Variants in NEGR1 observed in about 807,000 individuals in gnomAD.
NEGR1 encodes the protein IgLON family member 4.
NEGR1 carries 10 observed loss-of-function variants against 40.9 expected under a neutral mutation model. The observed-to-expected ratio is 0.24, with a 90% CI of 0.15 to 0.42. NEGR1 has a LOEUF of 0.42. Among genes scored for constraint, NEGR1 ranks in the 10% least tolerant of loss-of-function variants. The pLI is 1.00. For missense variants in NEGR1, 352 were observed against 438.9 expected (o/e 0.80, Z 1.77); for synonymous variants, 185 against 166.8 (o/e 1.11, Z -0.84).
rs986651674 is a variant in NEGR1 at position 71,781,661 on chromosome 1, A to G, written c.410-5364T>C. 2.6e-5 allele frequency among the ~76,000 whole-genome samples: 4 copies of G among 152,328 alleles called. No individual in the cohort carries two copies. The East Asian group carries it at 7.7e-4, about 29-fold the overall frequency. On this transcript the variant is annotated intron_variant, in intron 2 of 6. Coordinates refer to ENST00000357731, the MANE Select transcript of NEGR1 (RefSeq NM_173808.3). ...ATTGTAACCACAATATTCTGGCACAAAAACCACCTGTTTCCTCGGTCAGGA... is the reference window on the plus strand; with the variant it reads ...ATTGTAACCACAATATTCTGGCACAGAAACCACCTGTTTCCTCGGTCAGGA...
At chr1:72,188,755 CCT>C (rs896561912) in intron 1 of NEGR1, among the ~76,000 whole-genome samples, 7 of 140,972 alleles carry the variant, frequency 5.0e-5, no homozygotes, top group Non-Finnish European at 6.3e-5. Flanking sequence ...AAAACAATTC[CCT>C]GAGTTCTACA....
intron 4 of NEGR1, among the ~76,000 whole-genome samples, chr1:71,676,099 A>G (rs1178287407): frequency 2.0e-5 from 3 of 152,172 alleles, no homozygotes; most frequent in Non-Finnish European, 4.4e-5. Flanking sequence ...ATGAGAGTTA[A>G]AATAATCTTA....
At chr1:71,431,824 G>A (rs575334696) in intron 6 of NEGR1, among the ~76,000 whole-genome samples, 1 of 152,298 alleles carries the variant, frequency 6.6e-6, no homozygotes, top group African/African-American at 2.4e-5. Context: ...TAAATTTAGA[G>A]ACTTTTGCCT....
chr1:71,718,573 A>G lies in NEGR1; in HGVS notation c.536-20434T>C, dbSNP rs142542911. 3.7e-3 allele frequency among the ~76,000 whole-genome samples: 569 copies of G among 152,314 alleles called. 2 individuals are homozygous for G. The highest frequency in any genetic ancestry group is 0.013 in the African/African-American group (538 of 41,572). On this transcript the variant is annotated intron_variant, in intron 3 of 6. Coordinates refer to ENST00000357731, the MANE Select transcript of NEGR1 (RefSeq NM_173808.3). The stretch of plus-strand genomic sequence containing the variant: ...TGACATTTAAAGTACTTGAAATAAG[A>G]CATATTGCCTTATTTTATTGATTTC...
At chr1:71,747,570 A>G (rs1655428710) in intron 3 of NEGR1, among the ~76,000 whole-genome samples, 1 of 152,066 alleles carries the variant, frequency 6.6e-6, no homozygotes, top group Non-Finnish European at 1.5e-5. Context: ...GACTACAGGC[A>G]TGGGCCACAA....
At chr1:72,079,286 T>C (rs376423705) in intron 1 of NEGR1, among the ~76,000 whole-genome samples, 4 of 152,052 alleles carry the variant, frequency 2.6e-5, no homozygotes, top group South Asian at 2.1e-4. Context: ...TAATCAGATC[T>C]AAGCTTCATA....
chr1:72,207,958 G>A (rs1038439516), intron 1 of NEGR1, among the ~76,000 whole-genome samples: 6 of 151,558 alleles, frequency 4.0e-5, no homozygotes, highest in African/African-American at 1.2e-4. Flanking sequence ...TAAAGGTGAC[G>A]ATTTAACAAG....
chr1:71,692,873 T>C (rs1195391688), intron 4 of NEGR1, among the ~76,000 whole-genome samples: 1 of 151,828 alleles, frequency 6.6e-6, no homozygotes, highest in Non-Finnish European at 1.5e-5. Flanking sequence ...TATTTGATCA[T>C]AGGAAGAATT....
intron 1 of NEGR1, among the ~76,000 whole-genome samples, chr1:72,269,296 A>C (rs1158433820): frequency 1.3e-5 from 2 of 151,616 alleles, no homozygotes; most frequent in Admixed American, 6.6e-5. Context: ...GGTGCTTAAA[A>C]TTATTGGCTG....
chr1:71,398,762 TG>T lies in NEGR1; in HGVS notation c.*8683del, dbSNP rs1358001929. 6.6e-6 allele frequency: 1 copy of T among 152,122 alleles called. No individual in the cohort carries two copies. Among genetic ancestry groups the T allele is most frequent in the Non-Finnish European group, 1.5e-5 (1 of 68,014 alleles). 9.4% of individuals were successfully genotyped at this position (152,122 alleles called of 1,614,324 possible). A position where few individuals can be genotyped will look rare whatever the true frequency, so the allele number is the denominator to read the frequency against. ...GGGGTGGAATGATATGGTTTGGCTG[TG>T]TCCCCACCCAAGTCTCATTTGGAAT... is the stretch of plus-strand genomic sequence containing the variant. On this transcript the variant is annotated 3_prime_UTR_variant, in exon 7 of 7. Transcript: ENST00000357731.
intron 3 of NEGR1, among the ~76,000 whole-genome samples, chr1:71,702,738 A>AC (rs200510229): frequency 0.017 from 2,511 of 151,568 alleles, 61 homozygotes; most frequent in African/African-American, 0.057. Context: ...AAAAAAAAAA[A>AC]AAAACACTTT....
intron 1 of NEGR1, among the ~76,000 whole-genome samples, chr1:72,252,831 G>C (rs1164118127): frequency 6.6e-6 from 1 of 152,128 alleles, no homozygotes; most frequent in Non-Finnish European, 1.5e-5. Flanking sequence ...GGATCTAATA[G>C]TATATATCTC....
intron 2 of NEGR1, among the ~76,000 whole-genome samples, chr1:71,859,428 C>T (rs1210176858): frequency 6.6e-6 from 1 of 152,048 alleles, no homozygotes; most frequent in Non-Finnish European, 1.5e-5. Context: ...TCTTCCACTT[C>T]CTGGATTTAC....
chr1:71,973,320 G>GAAAAA (rs35734264), intron 1 of NEGR1, among the ~76,000 whole-genome samples: 2 of 101,658 alleles, frequency 2.0e-5, no homozygotes, highest in African/African-American at 3.1e-5. Context: ...CAACTCAAAA[G>GAAAAA]AAAAAAAAAA....
At chr1:72,126,476 ATAT>A (rs765509149) in intron 1 of NEGR1, among the ~76,000 whole-genome samples, 3 of 152,176 alleles carry the variant, frequency 2.0e-5, no homozygotes, top group Non-Finnish European at 2.9e-5. Context: ...GGTAAATTTA[ATAT>A]TTTTTGGCAG....
chr1:71,622,449 AT>A (rs1650639468), intron 4 of NEGR1, among the ~76,000 whole-genome samples: 2 of 151,976 alleles, frequency 1.3e-5, no homozygotes, highest in South Asian at 4.1e-4. Flanking sequence ...ACTTTCTTAA[AT>A]AAAAATTATT....
At chr1:71,820,320 G>A (rs1363116482) in intron 2 of NEGR1, among the ~76,000 whole-genome samples, 1 of 151,960 alleles carries the variant, frequency 6.6e-6, no homozygotes, top group Non-Finnish European at 1.5e-5. Context: ...CCAGACCTGA[G>A]CCAGTTTTCA....
intron 5 of NEGR1, among the ~76,000 whole-genome samples, chr1:71,609,356 A>G (rs1334489121): frequency 3.0e-4 from 46 of 151,350 alleles, no homozygotes; most frequent in African/African-American, 1.1e-3. Flanking sequence ...TCTACTAAAA[A>G]TACAAAAAAT....
intron 4 of NEGR1, among the ~76,000 whole-genome samples, chr1:71,645,767 T>C (rs1484272490): frequency 6.6e-6 from 1 of 151,768 alleles, no homozygotes; most frequent in Non-Finnish European, 1.5e-5. Context: ...TTTGACAGAT[T>C]AGGTACAGTA....
Sources: allele counts gnomAD v4.1 joint callset (sites outside exome capture counted in the v4.1 genomes callset), GRCh38; gene constraint gnomAD v4.1.1; transcripts MANE v1.5; gene names NCBI Gene and HGNC (gene_info 2026-07-23, HGNC 2026-07-21).